DOCK8: variants seen among roughly 807,000 people sequenced by gnomAD.
DOCK8 encodes the protein dedicator of cytokinesis protein 8.
In DOCK8, 141 loss-of-function variants were observed where a neutral mutation model predicts 245.6. The ratio of observed to expected loss-of-function variants is 0.57; its 90% CI spans 0.50 to 0.66. The LOEUF (loss-of-function observed/expected upper bound fraction) is 0.66. Ranked by LOEUF, DOCK8 falls within the 30% of genes least tolerant of loss-of-function variation. The probability of loss-of-function intolerance (pLI) is 0.00; values close to 1 mark genes in which losing one functional copy is unlikely to be tolerated. For synonymous variants in DOCK8, 1,168 were observed against 970.2 expected (o/e 1.20, Z -3.79); for missense variants, 2,965 against 2,603.4 (o/e 1.14, Z -3.02).
rs368206360 is a variant in DOCK8 at position 420,387 on chromosome 9, C to T, written c.3841-14C>T. 5.1e-5 allele frequency: 83 copies of T among 1,614,112 alleles called. No homozygotes were observed. In the African/African-American group the frequency reaches 1.0e-3, roughly 20 times the overall value. ...TCTTCCCTGGCCTCCATCCCCCAAT[C>T]TGCCTCCCTTCAGCCCTATAAGCAG... On this transcript the variant is annotated splice_polypyrimidine_tract_variant and intron_variant, in intron 30 of 47. Transcript: ENST00000432829.
At chr9:400,839 C>T (rs1158249119) in intron 26 of DOCK8, among the ~76,000 whole-genome samples, 13 of 94,608 alleles carry the variant, frequency 1.4e-4, no homozygotes, top group Middle Eastern at 5.1e-3. Context: ...ACCATCACCA[C>T]CACCTCCACC....
Position 336,628 on chromosome 9 carries a change from G to C in DOCK8, c.1332G>C (p.Arg444Ser). ...GGAGGACATTGGCCCAATCTAGAAG[G>C]CTTTCTGAAAGAGCCCTCTCCTTGG... ...GERRTLAQSRRLSERALSLEE... is the reference protein window; with the variant it reads ...GERRTLAQSRSLSERALSLEE... Residue 444 changes from arginine to serine, a missense_variant, in exon 12 of 48, where the codon AGG becomes AGC. Physicochemically the swap from Arg to Ser is moderately radical, Grantham distance 110 (BLOSUM62 -1). Coordinates refer to ENST00000432829, the MANE Select transcript of DOCK8 (RefSeq NM_203447.4). 1 of 1,614,194 alleles carries C rather than the reference G, an allele frequency of 6.2e-7. No homozygotes were observed. The highest frequency in any genetic ancestry group is 8.5e-7 in the Non-Finnish European group (1 of 1,180,030).
intron 1 of DOCK8, among the ~76,000 whole-genome samples, chr9:232,498 A>G (rs1384832682): frequency 3.3e-5 from 5 of 152,226 alleles, no homozygotes; most frequent in Admixed American, 3.3e-4. Context: ...TACCTCTGGT[A>G]GAATTTGGCT....
At position 377,046 on chromosome 9, in the gene DOCK8, G is replaced by A. The variant is rs148693111; in HGVS notation, c.2275G>A (p.Val759Met). The A allele has an allele frequency of 2.7e-4, 439 of 1,613,718 alleles. 1 individual carries two copies. Among genetic ancestry groups the A allele is most frequent in the Middle Eastern group, 8.2e-4 (5 of 6,076 alleles). ...GAGCCAGGTGACCTTCCCCATCCGC[G>A]TGCTGGATCAGAAAATCAGCGAGAT... The part of the protein sequence containing the change: ...LESQVTFPIR[V>M]LDQKISEMAL... Residue 759 changes from valine (V) to methionine (M), a missense_variant, in exon 20 of 48, where the codon GTG (valine) becomes ATG (methionine). Physicochemically the swap from Val to Met is conservative, Grantham distance 21. This residue lies in a region of DOCK8 where 2,825 missense variants were observed against 2,453.5 expected (regional missense o/e 1.15). Coordinates refer to ENST00000432829, the MANE Select transcript of DOCK8 (RefSeq NM_203447.4).
At chr9:385,529 T>G (rs1399182475) in intron 22 of DOCK8, among the ~76,000 whole-genome samples, 1 of 152,226 alleles carries the variant, frequency 6.6e-6, no homozygotes, top group Non-Finnish European at 1.5e-5. Context: ...TTCTTTACGT[T>G]TACTGTGTCT....
At chr9:337,512 G>A (rs1252591567) in intron 12 of DOCK8, among the ~76,000 whole-genome samples, 1 of 152,052 alleles carries the variant, frequency 6.6e-6, no homozygotes, top group Admixed American at 6.6e-5. Context: ...TGGATCTCAG[G>A]GTTTCTTGGC....
At position 463,613 on chromosome 9, in the gene DOCK8, G is replaced by A. The variant is rs767082262; in HGVS notation, c.6165G>A (p.Glu2055=). Residue 2055 remains glutamate, a synonymous_variant, in exon 47 of 48, where the codon GAG becomes GAA. Transcript: ENST00000432829. The part of the protein sequence containing the change: ...ELKKNYNKLK[E]NLRPMIERKI... ...AAAAGAACTATAACAAGCTAAAAGA[G>A]AACCTCAGGCCAATGATCGAGCGGA... 3 of 1,613,978 alleles carry A rather than the reference G, an allele frequency of 1.9e-6. No individual in the cohort carries two copies. Among genetic ancestry groups the A allele is most frequent in the Non-Finnish European group, 1.7e-6 (2 of 1,180,028 alleles).
At chr9:332,145 T>C (rs1351964497) in intron 9 of DOCK8, among the ~76,000 whole-genome samples, 1 of 152,182 alleles carries the variant, frequency 6.6e-6, no homozygotes, top group Non-Finnish European at 1.5e-5. Flanking sequence ...AATCCCACCA[T>C]AGAAAGTTAA....
chr9:420,465 G>A lies in DOCK8; in HGVS notation c.3905G>A (p.Trp1302Ter), dbSNP rs149116813. The A allele has an allele frequency of 6.2e-7, 1 of 1,614,118 alleles. No individual in the cohort carries two copies. Among genetic ancestry groups the A allele is most frequent in the Admixed American group, 1.7e-5 (1 of 60,014 alleles). Reference protein sequence around the residue: ...TTRNLMICFLWIMKNADQSLI... With the variant: ...TTRNLMICFL ...CGCAACCTCATGATCTGCTTCCTCT[G>A]GATCATGAAAAATGCTGATCAGAGC... The change falls in exon 31 of 48, where the codon TGG (tryptophan) becomes TAG (stop). Residue 1302 changes from tryptophan to a stop codon, truncating the protein, a stop_gained. Transcript: ENST00000432829. LOFTEE classifies it high-confidence loss of function.
chr9:397,641 G>C (rs2054527367), intron 25 of DOCK8, among the ~76,000 whole-genome samples: 1 of 152,094 alleles, frequency 6.6e-6, no homozygotes, highest in Non-Finnish European at 1.5e-5. Context: ...AGTGAGCCGA[G>C]ATGGTACCAC....
chr9:281,934 G>A (rs1165849105), intron 2 of DOCK8, among the ~76,000 whole-genome samples: 14 of 152,168 alleles, frequency 9.2e-5, no homozygotes, highest in Non-Finnish European at 2.1e-4. Flanking sequence ...TGGGTGTAGT[G>A]CCAGAACCGT....
chr9:215,240 C>G (rs1414757392), intron 1 of DOCK8: 3 of 1,582,756 alleles, frequency 1.9e-6, no homozygotes, highest in East Asian at 2.3e-5. Flanking sequence ...AGGTCCTCCC[C>G]AAGAATCTCG....
intron 18 of DOCK8, among the ~76,000 whole-genome samples, chr9:373,335 TAAAAG>T (rs1284296733): frequency 1.3e-5 from 2 of 152,250 alleles, no homozygotes; most frequent in African/African-American, 4.8e-5. Flanking sequence ...GTCTGCATCT[TAAAAG>T]ATAAGGGATT....
At chr9:425,399 G>A (rs1455894886) in intron 33 of DOCK8, among the ~76,000 whole-genome samples, 3 of 152,180 alleles carry the variant, frequency 2.0e-5, no homozygotes, top group African/African-American at 4.8e-5. Context: ...GGGCGCGGTG[G>A]CGGGCGCCTG....
chr9:366,530 G>A (rs993865781), intron 14 of DOCK8: 4 of 152,146 alleles, frequency 2.6e-5, no homozygotes, highest in African/African-American at 9.7e-5. Flanking sequence ...TTTCCTTGAT[G>A]TGGGATGTTC....
At chr9:308,809 C>G (rs2049966429) in intron 5 of DOCK8, among the ~76,000 whole-genome samples, 1 of 152,154 alleles carries the variant, frequency 6.6e-6, no homozygotes, top group African/African-American at 2.4e-5. Context: ...AGGCATGTGC[C>G]ACGACACCCG....
At chr9:215,615 T>A (rs72701207) in intron 1 of DOCK8, 159 of 539,598 alleles carry the variant, frequency 2.9e-4, no homozygotes, top group African/African-American at 1.1e-3. Flanking sequence ...AGTGATTTTT[T>A]AAAAAATCTA....
chr9:368,463 C>T (rs527932208), intron 15 of DOCK8: 48 of 603,136 alleles, frequency 8.0e-5, no homozygotes, highest in African/African-American at 4.4e-4. Context: ...TCAACACGTG[C>T]GCCATGTTTG....
chr9:369,564 A>G (rs2053185235), intron 15 of DOCK8: 1 of 153,224 alleles, frequency 6.5e-6, no homozygotes. Flanking sequence ...CTAAGTGAGT[A>G]GGTCTGTATG....
Sources: allele counts gnomAD v4.1 joint callset (sites outside exome capture counted in the v4.1 genomes callset), GRCh38; gene constraint gnomAD v4.1.1; regional missense constraint gnomAD v4.1.1; transcripts MANE v1.5; gene names NCBI Gene and HGNC (gene_info 2026-07-23, HGNC 2026-07-21).